Variants in HTT observed in about 807,000 individuals in gnomAD.
HTT encodes huntingtin, also known as huntington disease protein.
A neutral mutation model predicts 362.3 loss-of-function variants in HTT; 104 were observed. That is an observed-to-expected ratio of 0.29 (90% confidence interval 0.24 to 0.34). The LOEUF (loss-of-function observed/expected upper bound fraction) is 0.34, where lower values mean the gene tolerates loss of function less well. HTT is among the 10% of genes least tolerant of loss of function. HTT has a pLI of 1.00. For missense variants in HTT, 3,301 were observed against 3,928.6 expected, an observed-to-expected ratio of 0.84 and a Z score of 4.27; for synonymous variants, 1,577 against 1,548.7, an observed-to-expected ratio of 1.02 and a Z score of -0.43.
At chr4:3,129,086 CT>C (rs1400506181) in intron 12 of HTT, 1 of 152,230 alleles carries the variant, frequency 6.6e-6, no homozygotes, top group Non-Finnish European at 1.5e-5. Flanking sequence ...TATGTTAGAA[CT>C]TCCTAATGTT....
At chr4:3,207,720 T>C (rs537963644) in intron 45 of HTT, among the ~76,000 whole-genome samples, 146 of 152,288 alleles carry the variant, frequency 9.6e-4, no homozygotes, top group Non-Finnish European at 1.5e-3. Flanking sequence ...TAAACAAGAG[T>C]TGGCAAATCT....
In HTT at chr4:3,182,459, G is replaced by A; in HGVS notation, c.4855G>A (p.Ala1619Thr). 1 of 1,611,344 alleles carries A rather than the reference G, an allele frequency of 6.2e-7. No homozygotes were observed. The highest frequency in any genetic ancestry group is 8.5e-7 in the Non-Finnish European group (1 of 1,177,478). The change falls in exon 37 of 67, where the codon GCC becomes ACC. Residue 1619 changes from alanine to threonine, a missense_variant. By Grantham distance (58) the Ala-to-Thr change is moderately conservative (BLOSUM62 0). Coordinates refer to ENST00000355072, the MANE Select transcript of HTT (RefSeq NM_001388492.1). Reference sequence around the variant, plus strand: ...AGCTGACATCATCCTCCCAATGTTAGCCAAACAGCAGGTTTGTCCCCGCAG... The same window carrying A: ...AGCTGACATCATCCTCCCAATGTTAACCAAACAGCAGGTTTGTCCCCGCAG... ...QIADIILPML[A>T]KQQMHIDSHE...
chr4:3,105,280 A>G, intron 4 of HTT, 77 bp from the exon 5 acceptor site: 2 of 968,406 alleles, frequency 2.1e-6, no homozygotes, highest in Non-Finnish European at 3.3e-6. Context: ...ACAAGGAAAG[A>G]AAATGCTTCG....
chr4:3,206,412 A>G lies in HTT; in HGVS notation c.5719-84A>G. The G allele has an allele frequency of 9.8e-7, 1 of 1,016,256 alleles. No homozygotes were observed. Among genetic ancestry groups the G allele is most frequent in the South Asian group, 1.4e-5 (1 of 72,146 alleles). 63.0% of individuals were successfully genotyped at this position (1,016,256 alleles called of 1,614,324 possible). A position where few individuals can be genotyped will look rare whatever the true frequency, so the allele number is the denominator to read the frequency against. ...ATTTGGGATGTGTTTTCTCCTTCTTACCCTTTCTGGCCTTTCTATGGCATT... is the reference window on the plus strand; with the variant it reads ...ATTTGGGATGTGTTTTCTCCTTCTTGCCCTTTCTGGCCTTTCTATGGCATT... On this transcript the variant is annotated intron_variant, in intron 42 of 66. Transcript: ENST00000355072. This position sits in a 1 kb window ranked among gnomAD's most constrained non-coding sequence, Gnocchi z 4.6.
intron 62 of HTT, 43 bp from the exon 63 acceptor site, chr4:3,235,522 T>C (rs372219868): frequency 1.3e-6 from 2 of 1,588,114 alleles, no homozygotes; most frequent in South Asian, 2.2e-5. Context: ...CACCTGAGAC[T>C]GTGCAGCGAT....
chr4:3,217,770 A>G lies in HTT; in HGVS notation c.7060A>G (p.Lys2354Glu). 1.9e-6 allele frequency: 3 copies of G among 1,612,624 alleles called. No homozygotes were observed. The highest frequency in any genetic ancestry group is 2.5e-6 in the Non-Finnish European group (3 of 1,179,126). The change falls in exon 52 of 67, where the codon AAG (lysine) becomes GAG (glutamate). Residue 2354 changes from lysine (K) to glutamate (E), a missense_variant. By Grantham distance (56) the Lys-to-Glu change is moderately conservative. Coordinates refer to ENST00000355072, the MANE Select transcript of HTT (RefSeq NM_001388492.1). ...EEVDPNTQNP[K>E]YITAACEMVA... is the part of the protein sequence containing the mutation. Reference sequence around the variant, plus strand: ...CTTAACCGTTGCTTGTTTAGATCCTAAGTATATCACTGCAGCCTGTGAGAT... The same window carrying G: ...CTTAACCGTTGCTTGTTTAGATCCTGAGTATATCACTGCAGCCTGTGAGAT...
chr4:3,122,883 T>C lies in HTT; in HGVS notation c.1274-6T>C, dbSNP rs781482992. On this transcript the variant is annotated splice_region_variant and splice_polypyrimidine_tract_variant and intron_variant, in intron 9 of 66. Coordinates refer to ENST00000355072, the MANE Select transcript of HTT (RefSeq NM_001388492.1). ...TACTTTATCTGTCACTTTCTGTGATTTGCAGCTGGAGGGGGTTCCTCATGC... is the reference window on the plus strand; with the variant it reads ...TACTTTATCTGTCACTTTCTGTGATCTGCAGCTGGAGGGGGTTCCTCATGC... 1 of 1,604,080 alleles carries C rather than the reference T, an allele frequency of 6.2e-7. No individual in the cohort carries two copies. The highest frequency in any genetic ancestry group is 8.5e-7 in the Non-Finnish European group (1 of 1,174,326).
chr4:3,228,657 C>T lies in HTT; in HGVS notation c.7891C>T (p.Leu2631=). The change falls in exon 58 of 67, where the codon CTG becomes TTG. Residue 2631 remains leucine (L), a synonymous_variant. Transcript: ENST00000355072. The surrounding 1 kb of genome is among the most constrained non-coding windows in gnomAD (Gnocchi z 4.3). ...SVWLGNSITP[L]REEEWDEEEE... ...GTGGCTGGGGAACAGCATCACACCC[C>T]TGAGGGAGGAGGAATGGGACGAGGA... 6.2e-7 allele frequency: 1 copy of T among 1,608,160 alleles called. No individual in the cohort carries two copies. The highest frequency in any genetic ancestry group is 8.5e-7 in the Non-Finnish European group (1 of 1,176,924).
At chr4:3,151,856 T>G (rs888922173) in intron 26 of HTT, among the ~76,000 whole-genome samples, 1 of 152,292 alleles carries the variant, frequency 6.6e-6, no homozygotes, top group Non-Finnish European at 1.5e-5. Flanking sequence ...CCACTTCTGG[T>G]CCAGACTGAT....
At chr4:3,175,195 A>ACATGCAGACCACATTTCT in intron 33 of HTT, 88 bp downstream of exon 33, 1 of 1,240,020 alleles carries the variant, frequency 8.1e-7, no homozygotes, top group Non-Finnish European at 1.1e-6. Flanking sequence ...CTTTAAAGAA[A>ACATGCAGACCACATTTCT]TGTGGTCTGC....
In HTT at chr4:3,099,257, C is replaced by T. The variant is rs1283559624; in HGVS notation, c.348-17C>T. The T allele has an allele frequency of 1.3e-6, 2 of 1,597,174 alleles. No homozygotes were observed. Among genetic ancestry groups the T allele is most frequent in the Admixed American group, 1.7e-5 (1 of 59,868 alleles). ...CCTTAGGCTCCTCTTGACAGTTTCT[C>T]TTCTTTTTTTGCTTAGAAATTCTCC... On this transcript the variant is annotated splice_polypyrimidine_tract_variant and intron_variant, in intron 2 of 66. Transcript: ENST00000355072.
intron 33 of HTT, 121 bp downstream of exon 33, chr4:3,175,228 C>A (rs1275393800): frequency 1.1e-6 from 1 of 948,106 alleles, no homozygotes; most frequent in East Asian, 2.4e-5. Flanking sequence ...TCAGTTGCTG[C>A]TGCTTATCTT....
At chr4:3,175,900 G>C (rs140427757) in intron 33 of HTT, among the ~76,000 whole-genome samples, 1 of 152,072 alleles carries the variant, frequency 6.6e-6, no homozygotes, top group Admixed American at 6.5e-5. Context: ...TGTTAATCCT[G>C]TCAGCACTGT....
At chr4:3,109,599 A>G (rs1337571459) in intron 6 of HTT, among the ~76,000 whole-genome samples, 4 of 151,808 alleles carry the variant, frequency 2.6e-5, no homozygotes, top group South Asian at 2.1e-4. Context: ...TACTTTCACT[A>G]TAGTTCTATC....
At position 3,097,089 on chromosome 4, in the gene HTT, A is replaced by G. The variant is rs964379009; in HGVS notation, c.348-2185A>G. On this transcript the variant is annotated intron_variant, in intron 2 of 66. Coordinates refer to ENST00000355072, the MANE Select transcript of HTT (RefSeq NM_001388492.1). Reference sequence around the variant, plus strand: ...AACTGTGATTGTGCCACTGTGTTCCATCCTGGGCAACAGAATGAGACCCTG... The same window carrying G: ...AACTGTGATTGTGCCACTGTGTTCCGTCCTGGGCAACAGAATGAGACCCTG... 1.3e-5 allele frequency among the ~76,000 whole-genome samples: 2 copies of G among 152,228 alleles called. 1 individual carries two copies. The highest frequency in any genetic ancestry group is 4.1e-4 in the South Asian group (2 of 4,834).
At chr4:3,135,565 G>A (rs868071478) in intron 19 of HTT, among the ~76,000 whole-genome samples, 2 of 152,086 alleles carry the variant, frequency 1.3e-5, no homozygotes, top group South Asian at 2.1e-4. Flanking sequence ...GACGCTGAGC[G>A]TGCATGAGTG....
intron 49 of HTT, among the ~76,000 whole-genome samples, chr4:3,213,259 T>A (rs764284397): frequency 6.6e-6 from 1 of 152,238 alleles, no homozygotes; most frequent in Non-Finnish European, 1.5e-5. Flanking sequence ...CACAAAATGA[T>A]AAATACACCC....
chr4:3,176,863 C>T (rs963357824), intron 33 of HTT, among the ~76,000 whole-genome samples: 6 of 152,344 alleles, frequency 3.9e-5, no homozygotes, highest in African/African-American at 7.2e-5. Flanking sequence ...GGAAGCTCCC[C>T]GTCAGGTTGG....
At chr4:3,089,032 ATCTCTGCTACCTGTG>A (rs1461349067) in intron 2 of HTT, among the ~76,000 whole-genome samples, 1 of 152,212 alleles carries the variant, frequency 6.6e-6, no homozygotes, top group Non-Finnish European at 1.5e-5. Flanking sequence ...TTTGAATTCT[ATCTCTGCTACCTGTG>A]TAAGCTGGGT....
Sources: allele counts gnomAD v4.1 joint callset (sites outside exome capture counted in the v4.1 genomes callset), GRCh38; gene constraint gnomAD v4.1.1; non-coding constraint Gnocchi (gnomAD v3.1); transcripts MANE v1.5; gene names NCBI Gene and HGNC (gene_info 2026-07-23, HGNC 2026-07-21).